The following PITPNC1 variants were observed in gnomAD, a reference collection of about 807,000 sequenced individuals.
PITPNC1 encodes cytoplasmic phosphatidylinositol transfer protein 1.
PITPNC1 carries 18 observed loss-of-function variants against 44.7 expected under a neutral mutation model. The observed-to-expected ratio is 0.40, with a 90% CI of 0.28 to 0.60. The LOEUF (loss-of-function observed/expected upper bound fraction) is 0.60, where lower values mean the gene tolerates loss of function less well. Ranked by LOEUF, PITPNC1 falls within the 20% of genes least tolerant of loss-of-function variation. The probability of loss-of-function intolerance (pLI) is 0.39; values close to 1 mark genes in which losing one functional copy is unlikely to be tolerated. For synonymous variants in PITPNC1, 141 were observed against 149.6 expected (o/e 0.94, Z 0.42); for missense variants, 290 against 418.4 (o/e 0.69, Z 2.68).
intron 5 of PITPNC1, among the ~76,000 whole-genome samples, chr17:67,620,084 C>T (rs1450193917): frequency 6.6e-6 from 1 of 152,126 alleles, no homozygotes; most frequent in Non-Finnish European, 1.5e-5. Context: ...GACAGGGTCT[C>T]ACTCCGTCTT....
chr17:67,522,195 T>A (rs1372054994), intron 1 of PITPNC1, among the ~76,000 whole-genome samples: 1 of 151,910 alleles, frequency 6.6e-6, no homozygotes, highest in Non-Finnish European at 1.5e-5. Context: ...TTCCAGCTAC[T>A]CAGGAGGTTG....
intron 4 of PITPNC1, among the ~76,000 whole-genome samples, chr17:67,575,565 C>T (rs942293806): frequency 6.6e-6 from 1 of 152,056 alleles, no homozygotes; most frequent in African/African-American, 2.4e-5. Context: ...AGGCCTCTGT[C>T]TTCTCGTGCA....
chr17:67,612,521 G>A (rs959509094), intron 5 of PITPNC1: 1 of 152,270 alleles, frequency 6.6e-6, no homozygotes, highest in Admixed American at 6.5e-5. Context: ...CAACTCCTAA[G>A]TGGTGGAGCC....
chr17:67,539,969 A>G (rs1165684443), intron 2 of PITPNC1, among the ~76,000 whole-genome samples: 1 of 152,218 alleles, frequency 6.6e-6, no homozygotes, highest in Non-Finnish European at 1.5e-5. Context: ...ATATGTAATA[A>G]AAGCACCAAA....
chr17:67,378,905 C>T, intron 1 of PITPNC1: 1 of 899,408 alleles, frequency 1.1e-6, no homozygotes, highest in Non-Finnish European at 1.3e-6. Flanking sequence ...GAGGGCGCTC[C>T]AGCACGTGGT....
intron 1 of PITPNC1, chr17:67,525,280 G>A (rs574160995): frequency 5.9e-5 from 9 of 152,152 alleles, no homozygotes; most frequent in African/African-American, 1.7e-4. Context: ...ATAGAACAAC[G>A]GTCTGCAAAC....
intron 1 of PITPNC1, among the ~76,000 whole-genome samples, chr17:67,475,352 C>T (rs1042241814): frequency 7.2e-5 from 11 of 152,266 alleles, no homozygotes; most frequent in South Asian, 6.2e-4. Flanking sequence ...TGACGCCTAC[C>T]GAGCTGGGTA....
At chr17:67,583,251 CT>C (rs1031491599) in intron 5 of PITPNC1, among the ~76,000 whole-genome samples, 36 of 152,260 alleles carry the variant, frequency 2.4e-4, no homozygotes, top group African/African-American at 7.9e-4. Flanking sequence ...GTCCCCACCC[CT>C]GAGAGGGTCT....
intron 1 of PITPNC1, chr17:67,471,462 GA>G (rs1450492602): frequency 2.8e-6 from 1 of 357,066 alleles, no homozygotes; most frequent in Non-Finnish European, 5.3e-6. Flanking sequence ...CTTCATTTGA[GA>G]GATTTTTTTC....
intron 1 of PITPNC1, among the ~76,000 whole-genome samples, chr17:67,392,531 G>A (rs1007832951): frequency 6.6e-6 from 1 of 152,032 alleles, no homozygotes; most frequent in Admixed American, 6.6e-5. Context: ...GGTGTGAGCC[G>A]CTGCGCTTGG....
At chr17:67,533,834 T>C (rs2040494466) in intron 2 of PITPNC1, among the ~76,000 whole-genome samples, 1 of 152,184 alleles carries the variant, frequency 6.6e-6, no homozygotes, top group Non-Finnish European at 1.5e-5. Flanking sequence ...AGCGTGCCGT[T>C]TCTGCTTTGC....
intron 1 of PITPNC1, among the ~76,000 whole-genome samples, chr17:67,531,421 G>A (rs917151677): frequency 2.0e-5 from 3 of 152,172 alleles, no homozygotes; most frequent in Admixed American, 2.0e-4. Flanking sequence ...GGCACAGATA[G>A]GAGACACAGT....
At chr17:67,586,175 G>T (rs1053078236) in intron 5 of PITPNC1, among the ~76,000 whole-genome samples, 3 of 152,198 alleles carry the variant, frequency 2.0e-5, no homozygotes, top group African/African-American at 7.2e-5. Context: ...GAGCTATGGG[G>T]CCATGGCAGA....
chr17:67,455,069 C>G (rs1004497143), intron 1 of PITPNC1, among the ~76,000 whole-genome samples: 15 of 152,174 alleles, frequency 9.9e-5, no homozygotes, highest in African/African-American at 3.6e-4. Context: ...GATCCTCCTG[C>G]TTTGGCTTTC....
In PITPNC1 at chr17:67,490,126, G is replaced by C. The variant is rs976573566; in HGVS notation, c.49-42676G>C. Among the ~76,000 whole-genome samples, 36 of 81,614 alleles carry C rather than the reference G, an allele frequency of 4.4e-4. 1 individual carries two copies. The highest frequency in any genetic ancestry group is 7.4e-4 in the Non-Finnish European group (33 of 44,750). The allele number at this position is 81,614 out of a possible 152,430, so 53.5% of individuals were successfully genotyped here. On this transcript the variant is annotated intron_variant, in intron 1 of 8. Transcript: ENST00000581322. The stretch of plus-strand genomic sequence containing the variant: ...AACAGGCTTTTCTGTGTGTGTGTGT[G>C]TGTGTGTGTGTGTGTGTGTGTGTGT...
chr17:67,452,659 A>C (rs1020992689), intron 1 of PITPNC1, among the ~76,000 whole-genome samples: 65 of 151,698 alleles, frequency 4.3e-4, no homozygotes, highest in Admixed American at 2.0e-3. Flanking sequence ...CGCCCAGCTA[A>C]TTTTTGTATT....
intron 7 of PITPNC1, among the ~76,000 whole-genome samples, chr17:67,674,123 A>G (rs915592448): frequency 1.3e-5 from 2 of 152,170 alleles, no homozygotes; most frequent in African/African-American, 2.4e-5. Context: ...AATGTGAGGA[A>G]TGGGGTATCC....
At chr17:67,559,057 A>T (rs1472619725) in intron 4 of PITPNC1, among the ~76,000 whole-genome samples, 1 of 152,196 alleles carries the variant, frequency 6.6e-6, no homozygotes, top group Non-Finnish European at 1.5e-5. Context: ...AATTGCCCTC[A>T]CAGTCTGGGC....
intron 8 of PITPNC1, among the ~76,000 whole-genome samples, chr17:67,689,816 T>G (rs2042887519): frequency 6.6e-6 from 1 of 152,214 alleles, no homozygotes; most frequent in Non-Finnish European, 1.5e-5. Flanking sequence ...TTTTCAAAGA[T>G]AATATCCATT....
Sources: allele counts gnomAD v4.1 joint callset (sites outside exome capture counted in the v4.1 genomes callset), GRCh38; gene constraint gnomAD v4.1.1; transcripts MANE v1.5; gene names NCBI Gene and HGNC (gene_info 2026-07-23, HGNC 2026-07-21).